The following AKAP19 variants were observed in gnomAD, a reference collection of about 807,000 sequenced individuals.
AKAP19 encodes small A-kinase anchoring protein.
At chr2:189,979,048 A>G in the AKAP19 span, among the ~76,000 whole-genome samples, 4 of 152,086 alleles carry the variant, frequency 2.6e-5, no homozygotes, top group Admixed American at 1.3e-4. Flanking sequence ...TAAAATTACC[A>G]AAGTCATTTT....
At chr2:189,972,821 CA>C in the AKAP19 span, among the ~76,000 whole-genome samples, 1 of 152,076 alleles carries the variant, frequency 6.6e-6, no homozygotes, top group Admixed American at 6.6e-5. Context: ...GTGATTTTTG[CA>C]CATTGATTTT....
the AKAP19 span, among the ~76,000 whole-genome samples, chr2:190,156,908 A>G: frequency 1.3e-5 from 2 of 152,178 alleles, no homozygotes; most frequent in Admixed American, 6.5e-5. Flanking sequence ...TGGAAATAAA[A>G]TCACTACTAG....
chr2:190,153,298 C>A, the AKAP19 span, among the ~76,000 whole-genome samples: 2 of 152,146 alleles, frequency 1.3e-5, no homozygotes, highest in Admixed American at 6.5e-5. Flanking sequence ...TTCTTATAAT[C>A]ATTTTCATTT....
the AKAP19 span, among the ~76,000 whole-genome samples, chr2:189,880,212 T>C: frequency 3.9e-5 from 6 of 152,174 alleles, no homozygotes; most frequent in South Asian, 1.2e-3. Context: ...TTTATTTTCA[T>C]CTTATGTTCT....
the AKAP19 span, among the ~76,000 whole-genome samples, chr2:190,041,145 T>C: frequency 6.6e-6 from 1 of 152,216 alleles, no homozygotes. Flanking sequence ...TGATCCTTCC[T>C]ACCCATGAGC....
the AKAP19 span, among the ~76,000 whole-genome samples, chr2:189,897,597 A>G: frequency 6.6e-6 from 1 of 152,154 alleles, no homozygotes; most frequent in Admixed American, 6.6e-5. Context: ...CTTTCTTCTT[A>G]GATCCTTCTC....
At chr2:189,948,589 G>C in the AKAP19 span, among the ~76,000 whole-genome samples, 1 of 152,066 alleles carries the variant, frequency 6.6e-6, no homozygotes, top group African/African-American at 2.4e-5. Flanking sequence ...AACATGGTAG[G>C]ACCATGTCTG....
chr2:189,902,271 G>GC, the AKAP19 span, among the ~76,000 whole-genome samples: 3 of 151,018 alleles, frequency 2.0e-5, no homozygotes, highest in Non-Finnish European at 4.4e-5. Flanking sequence ...TATCCTATCT[G>GC]TTTTTTTTCC....
At chr2:190,115,566 G>T in the AKAP19 span, among the ~76,000 whole-genome samples, 1 of 150,274 alleles carries the variant, frequency 6.7e-6, no homozygotes, top group Non-Finnish European at 1.5e-5. Flanking sequence ...TGATCCGCCC[G>T]CCTCGGCCTC....
chr2:190,067,439 C>G, the AKAP19 span, among the ~76,000 whole-genome samples: 7 of 152,306 alleles, frequency 4.6e-5, no homozygotes, highest in South Asian at 1.5e-3. Flanking sequence ...GTCCCCTCCT[C>G]CCAATACCTG....
chr2:189,940,441 A>G, the AKAP19 span, among the ~76,000 whole-genome samples: 2 of 151,544 alleles, frequency 1.3e-5, no homozygotes, highest in East Asian at 3.9e-4. Context: ...GGGGAAAAAA[A>G]GAAAAGAAAA....
At chr2:189,936,230 G>T in the AKAP19 span, among the ~76,000 whole-genome samples, 4 of 150,198 alleles carry the variant, frequency 2.7e-5, no homozygotes, top group African/African-American at 9.8e-5. Flanking sequence ...GAATGTCATA[G>T]ACTTGAATGA....
the AKAP19 span, among the ~76,000 whole-genome samples, chr2:190,110,861 A>G: frequency 1.3e-5 from 2 of 152,198 alleles, no homozygotes; most frequent in Admixed American, 6.5e-5. Flanking sequence ...TCTATTACAC[A>G]GTCTAAGTCT....
chr2:190,160,850 T>C, the AKAP19 span, among the ~76,000 whole-genome samples: 1 of 152,206 alleles, frequency 6.6e-6, no homozygotes, highest in Non-Finnish European at 1.5e-5. Context: ...TAACTTTTAA[T>C]TCATAATATA....
the AKAP19 span, among the ~76,000 whole-genome samples, chr2:190,007,674 A>G: frequency 6.6e-6 from 1 of 152,196 alleles, no homozygotes; most frequent in East Asian, 1.9e-4. Flanking sequence ...GAAATATTGA[A>G]TGCTGGCCAG....
At chr2:190,013,832 T>C in the AKAP19 span, among the ~76,000 whole-genome samples, 16 of 152,300 alleles carry the variant, frequency 1.1e-4, no homozygotes, top group African/African-American at 3.6e-4. Flanking sequence ...CTTTATTTTT[T>C]AGTCTAGCTA....
At chr2:190,032,371 T>C in the AKAP19 span, among the ~76,000 whole-genome samples, 175 of 152,196 alleles carry the variant, frequency 1.1e-3, 1 homozygote, top group Non-Finnish European at 2.4e-4. Context: ...AAATTTATCC[T>C]GGGTCAGTAG....
At chr2:189,880,539 A>G in the AKAP19 span, among the ~76,000 whole-genome samples, 1 of 152,286 alleles carries the variant, frequency 6.6e-6, no homozygotes, top group East Asian at 1.9e-4. Context: ...GTTGCAAGAG[A>G]AAAGGAGCAG....
the AKAP19 span, among the ~76,000 whole-genome samples, chr2:190,190,680 C>T: frequency 2.0e-5 from 3 of 152,108 alleles, no homozygotes; most frequent in African/African-American, 7.2e-5. Flanking sequence ...GCAATATATG[C>T]GTTGCATGTC....
Sources: allele counts gnomAD v4.1 joint callset (sites outside exome capture counted in the v4.1 genomes callset), GRCh38; gene constraint gnomAD v4.1.1; transcripts MANE v1.5; gene names NCBI Gene and HGNC (gene_info 2026-07-23, HGNC 2026-07-21).